CFAP221: variants seen among roughly 807,000 people sequenced by gnomAD.
CFAP221 encodes the protein cilia- and flagella-associated protein 221.
A neutral mutation model predicts 113.1 loss-of-function variants in CFAP221; 97 were observed. The ratio of observed to expected loss-of-function variants is 0.86; its 90% CI spans 0.73 to 1.02. CFAP221 has a LOEUF of 1.02. Among genes scored for constraint, CFAP221 ranks in the 50% least tolerant of loss-of-function variants. The probability of loss-of-function intolerance (pLI) is 0.00; values close to 1 mark genes in which losing one functional copy is unlikely to be tolerated. For synonymous variants in CFAP221, 331 were observed against 354.4 expected, an observed-to-expected ratio of 0.93 and a Z score of 0.74; for missense variants, 1,025 against 1,013.4, an observed-to-expected ratio of 1.01 and a Z score of -0.16.
At chr2:119,565,790 T>C (rs1002855182) in intron 6 of CFAP221, among the ~76,000 whole-genome samples, 3 of 152,238 alleles carry the variant, frequency 2.0e-5, no homozygotes, top group African/African-American at 7.2e-5. Context: ...CAAACTGTCC[T>C]ATGCTACATT....
Position 119,560,045 on chromosome 2 carries a change from CTTTT to C in CFAP221, c.426+36_426+39del, listed in dbSNP as rs35631078. ...CTGTAAGGTAGGTCTCTTAAAATTG[CTTTT>C]TTTTTTTTTTTTTTTTGATGGTGGG... On this transcript the variant is annotated intron_variant, in intron 5 of 23. Transcript: ENST00000413369. The C allele has an allele frequency of 5.9e-3, 5,069 of 862,036 alleles. No individual in the cohort carries two copies. The highest frequency in any genetic ancestry group is 6.4e-3 in the Non-Finnish European group (3,907 of 610,746). The allele number at this position is 862,036 out of a possible 1,614,324, so 53.4% of individuals were successfully genotyped here.
At chr2:119,653,100 A>ACC (rs1688222597) in intron 23 of CFAP221, among the ~76,000 whole-genome samples, 1 of 151,680 alleles carries the variant, frequency 6.6e-6, no homozygotes, top group South Asian at 2.1e-4. Context: ...AAATATAAAT[A>ACC]CCGGGCGTGG....
chr2:119,557,740 C>G (rs900496592), intron 3 of CFAP221, among the ~76,000 whole-genome samples: 2 of 152,134 alleles, frequency 1.3e-5, no homozygotes, highest in African/African-American at 4.8e-5. Flanking sequence ...GTGGCTTACG[C>G]CTGTAATCCC....
rs77663874 is a variant in CFAP221 at position 119,649,714 on chromosome 2, G to A, written c.2319-2260G>A. Among the ~76,000 whole-genome samples the A allele has an allele frequency of 3.9e-3, 588 of 152,280 alleles. 3 individuals carry two copies. Among genetic ancestry groups the A allele is most frequent in the Non-Finnish European group, 6.3e-3 (428 of 68,020 alleles). ...TTATTCCCTGAGTGTCACAGGGATC[G>A]CTGAGCCTAAGCATTACAGAACTTT... On this transcript the variant is annotated intron_variant, in intron 22 of 23. Coordinates refer to ENST00000413369, the MANE Select transcript of CFAP221 (RefSeq NM_001271049.2).
chr2:119,641,500 C>T (rs1371839869), intron 21 of CFAP221, among the ~76,000 whole-genome samples: 1 of 152,168 alleles, frequency 6.6e-6, no homozygotes, highest in Non-Finnish European at 1.5e-5. Context: ...GACCTGCCTC[C>T]ATTGTACACT....
At chr2:119,614,182 A>C (rs1214850509) in intron 13 of CFAP221, among the ~76,000 whole-genome samples, 1 of 152,230 alleles carries the variant, frequency 6.6e-6, no homozygotes, top group Admixed American at 6.5e-5. Flanking sequence ...TTCATTGTCC[A>C]TATTACAATC....
At chr2:119,614,194 G>T (rs1220065434) in intron 13 of CFAP221, among the ~76,000 whole-genome samples, 1 of 152,164 alleles carries the variant, frequency 6.6e-6, no homozygotes, top group Non-Finnish European at 1.5e-5. Flanking sequence ...ATTACAATCA[G>T]CATTTTGGGC....
At chr2:119,635,773 T>C (rs1252837544) in intron 19 of CFAP221, among the ~76,000 whole-genome samples, 2 of 152,014 alleles carry the variant, frequency 1.3e-5, no homozygotes, top group Non-Finnish European at 2.9e-5. Context: ...GGTGAAGCAT[T>C]ATAGTGAAGT....
intron 6 of CFAP221, among the ~76,000 whole-genome samples, chr2:119,566,555 AC>A (rs60863720): frequency 0.026 from 3,923 of 151,836 alleles, 161 homozygotes; most frequent in African/African-American, 0.088. Context: ...TAGCATGAGT[AC>A]CCCCCCAGCT....
chr2:119,546,038 T>G, intron 1 of CFAP221, 47 bp from the exon 2 acceptor site: 2 of 1,307,610 alleles, frequency 1.5e-6, no homozygotes, highest in Admixed American at 2.9e-5. Flanking sequence ...AGAAAAAATG[T>G]GCGTGGTTTC....
intron 12 of CFAP221, among the ~76,000 whole-genome samples, chr2:119,609,793 G>A (rs1220057432): frequency 6.6e-6 from 1 of 152,190 alleles, no homozygotes; most frequent in Non-Finnish European, 1.5e-5. Flanking sequence ...CAGTGGATGG[G>A]TGGGATTGGG....
rs552776206 is a variant in CFAP221, at chr2:119,632,778, G to A, written c.1974+1877G>A. ...AAAAAAACTACTAAAATTAATAAGG[G>A]AATTTAACAAGATTGCAGGATGCAG... On this transcript the variant is annotated intron_variant, in intron 19 of 23. Transcript: ENST00000413369. Among the ~76,000 whole-genome samples, 22 of 149,758 alleles carry A rather than the reference G, an allele frequency of 1.5e-4. No individual in the cohort carries two copies. The South Asian group carries it at 2.5e-3, about 17-fold the overall frequency.
At chr2:119,562,253 C>A (rs200746609) in intron 6 of CFAP221, 139 bp downstream of exon 6, 7,084 of 273,664 alleles carry the variant, frequency 0.026, 199 homozygotes, top group South Asian at 0.074. Context: ...TTGTAAAAGG[C>A]AAAAAAAAAA....
At chr2:119,632,313 A>G (rs897085616) in intron 19 of CFAP221, among the ~76,000 whole-genome samples, 8 of 152,250 alleles carry the variant, frequency 5.3e-5, no homozygotes, top group Admixed American at 4.6e-4. Context: ...AATGTATCAT[A>G]ACCAAATAGG....
At chr2:119,626,289 A>T (rs1265694327) in intron 15 of CFAP221, among the ~76,000 whole-genome samples, 1 of 152,116 alleles carries the variant, frequency 6.6e-6, no homozygotes, top group Admixed American at 6.5e-5. Flanking sequence ...TTTACCATGG[A>T]AGATAACACA....
At chr2:119,595,481 C>T (rs2104643242) in intron 7 of CFAP221, among the ~76,000 whole-genome samples, 1 of 152,236 alleles carries the variant, frequency 6.6e-6, no homozygotes, top group African/African-American at 2.4e-5. Context: ...GGTAGTTGAG[C>T]TGAAGCTTTA....
At chr2:119,643,486 A>T (rs1687617127) in intron 21 of CFAP221, among the ~76,000 whole-genome samples, 1 of 152,220 alleles carries the variant, frequency 6.6e-6, no homozygotes, top group East Asian at 1.9e-4. Context: ...AATGTCCAGA[A>T]GAACTTTGGG....
chr2:119,618,756 A>G (rs913208999), intron 14 of CFAP221, among the ~76,000 whole-genome samples: 25 of 152,200 alleles, frequency 1.6e-4, no homozygotes, highest in South Asian at 2.1e-4. Flanking sequence ...TCCCCTGGAA[A>G]GGGGACTGAA....
chr2:119,551,437 T>A (rs1165126916), intron 3 of CFAP221, among the ~76,000 whole-genome samples: 1 of 152,226 alleles, frequency 6.6e-6, no homozygotes, highest in Non-Finnish European at 1.5e-5. Context: ...TATTTTGAGT[T>A]AATTTTTATG....
Sources: gnomAD v4.1 joint callset for allele counts (sites outside exome capture counted in the v4.1 genomes callset) on GRCh38, gnomAD v4.1.1 for gene constraint, MANE v1.5 for transcripts, NCBI Gene and HGNC (gene_info 2026-07-23, HGNC 2026-07-21) for gene names.